ZNF490: variants seen among roughly 807,000 people sequenced by gnomAD.
The protein encoded by ZNF490 is zinc finger protein 490.
Under a neutral mutation model 17.7 loss-of-function variants are expected in ZNF490, and 11 were observed. That is an observed-to-expected ratio of 0.62 (90% CI 0.39 to 1.03). ZNF490 has a LOEUF of 1.03. Among genes scored for constraint, ZNF490 ranks in the 50% least tolerant of loss-of-function variants. The probability of loss-of-function intolerance (pLI) is 0.00; values close to 1 mark genes in which losing one functional copy is unlikely to be tolerated. For synonymous variants in ZNF490, 222 were observed against 216.1 expected (o/e 1.03, Z -0.24); for missense variants, 542 against 643.4 (o/e 0.84, Z 1.71).
rs1044509686 is a variant in ZNF490, at chr19:12,601,312, C to T, written c.162+7846G>A. 1.1e-4 allele frequency among the ~76,000 whole-genome samples: 17 copies of T among 151,378 alleles called. 1 individual carries two copies. The highest frequency in any genetic ancestry group is 5.9e-4 in the Admixed American group (9 of 15,170). ...CTGAGGCAGGAGAATGGTGTGAACC[C>T]GGGAGGCGAAGGTTGCAATGAGCCG... On this transcript the variant is annotated intron_variant, in intron 2 of 4. Coordinates refer to ENST00000311437, the MANE Select transcript of ZNF490 (RefSeq NM_020714.3).
At chr19:12,590,801 G>A (rs971351423) in intron 2 of ZNF490, among the ~76,000 whole-genome samples, 6 of 152,076 alleles carry the variant, frequency 3.9e-5, no homozygotes, top group Non-Finnish European at 7.4e-5. Flanking sequence ...AAGGCAGCTG[G>A]GTGTGGTGGC....
chr19:12,599,139 C>CAAAAAAAAAAAAAAAAAAAAAAAAAAA (rs55911311), intron 2 of ZNF490, among the ~76,000 whole-genome samples: 7 of 68,632 alleles, frequency 1.0e-4, no homozygotes, highest in Admixed American at 4.2e-4. Context: ...GACTCTGTCT[C>CAAAAAAAAAAAAAAAAAAAAAAAAAAA]AAAAAAAAAA....
At position 12,581,373 on chromosome 19, in the gene ZNF490, G is replaced by C. The variant is rs1286691102; in HGVS notation, c.702C>G (p.Leu234=). 6.2e-7 allele frequency: 1 copy of C among 1,614,116 alleles called. No homozygotes were observed. The highest frequency in any genetic ancestry group is 2.2e-5 in the East Asian group (1 of 44,882). ...CKECGKAFAF[L]FSFRNHIRIH... Reference sequence around the variant, plus strand: ...TTCTTATATGGTTTCGAAAGGAAAAGAGAAATGCGAAGGCTTTGCCACATT... The same window carrying C: ...TTCTTATATGGTTTCGAAAGGAAAACAGAAATGCGAAGGCTTTGCCACATT... Residue 234 remains leucine, a synonymous_variant, in exon 5 of 5, where the codon CTC becomes CTG. Transcript: ENST00000311437.
chr19:12,601,763 C>G (rs1372270066), intron 2 of ZNF490, among the ~76,000 whole-genome samples: 1 of 151,968 alleles, frequency 6.6e-6, no homozygotes, highest in Admixed American at 6.6e-5. Context: ...GAGGCCAAGG[C>G]GGGCGGATCA....
chr19:12,583,756 G>GCTCTCTCTCT (rs1195574032), intron 2 of ZNF490, among the ~76,000 whole-genome samples, 200 bp from the exon 3 acceptor site: 33 of 29,712 alleles, frequency 1.1e-3, no homozygotes, highest in South Asian at 6.3e-3. Flanking sequence ...AAATTATTGC[G>GCTCTCTCTCT]CTCTCTCTCT....
In ZNF490 at chr19:12,577,829, G is replaced by T; in HGVS notation, c.*2656C>A. 1.0e-6 allele frequency: 1 copy of T among 985,526 alleles called. No individual in the cohort carries two copies. The highest frequency in any genetic ancestry group is 1.2e-6 in the Non-Finnish European group (1 of 830,032). The allele number at this position is 985,526 out of a possible 1,614,324, so 61.0% of individuals were successfully genotyped here. On this transcript the variant is annotated 3_prime_UTR_variant, in exon 5 of 5. Transcript: ENST00000311437. ...TGTTACGAGGGTGGATGGTGACCTG[G>T]TTTCCCTCAATGCTGCCACCTCCCT...
Position 12,580,607 on chromosome 19 carries a change from T to G in ZNF490, c.1468A>C (p.Lys490Gln). 6.2e-7 allele frequency: 1 copy of G among 1,614,132 alleles called. No homozygotes were observed. Among genetic ancestry groups the G allele is most frequent in the Non-Finnish European group, 8.5e-7 (1 of 1,180,018 alleles). The change falls in exon 5 of 5, where the codon AAA becomes CAA. Residue 490 changes from lysine (K) to glutamine (Q), a missense_variant. By Grantham distance (53) the Lys-to-Gln change is moderately conservative. Transcript: ENST00000311437. ...GKAFTCLNSL[K>Q]VHKRIHTGER... ...CCAGTATGAATTCTTTTGTGTACTT[T>G]CAGGGAATTTAAACAAGTGAAAGCT...
intron 2 of ZNF490, among the ~76,000 whole-genome samples, chr19:12,592,237 G>A (rs1485135869): frequency 1.3e-5 from 2 of 152,070 alleles, no homozygotes; most frequent in African/African-American, 4.8e-5. Context: ...TCGGGAGGCT[G>A]AGGCAGGAGA....
intron 1 of ZNF490, chr19:12,610,012 C>T (rs1262449019): frequency 4.6e-6 from 2 of 435,710 alleles, no homozygotes; most frequent in East Asian, 1.4e-4. Flanking sequence ...GCAATAAAAA[C>T]ATGCTTAAAC....
rs557466297 is a variant in ZNF490, at chr19:12,609,396, T to A, written c.118-194A>T. Among the ~76,000 whole-genome samples the A allele has an allele frequency of 1.2e-3, 174 of 150,980 alleles. 1 individual carries two copies. Among genetic ancestry groups the A allele is most frequent in the Admixed American group, 2.7e-3 (41 of 15,120 alleles). ...GGAAAAATGAAATATGTTTCTACTT[T>A]AAAAAAAAAATTTAGAGACAGTCTC... On this transcript the variant is annotated intron_variant, in intron 1 of 4. Coordinates refer to ENST00000311437, the MANE Select transcript of ZNF490 (RefSeq NM_020714.3).
At chr19:12,593,794 C>A (rs750850965) in intron 2 of ZNF490, among the ~76,000 whole-genome samples, 7 of 152,166 alleles carry the variant, frequency 4.6e-5, no homozygotes, top group Non-Finnish European at 7.3e-5. Flanking sequence ...GCTGTTCACT[C>A]AGTAGCAAAG....
intron 2 of ZNF490, 29 bp downstream of exon 2, chr19:12,609,129 C>T: frequency 6.2e-7 from 1 of 1,612,384 alleles, no homozygotes; most frequent in Non-Finnish European, 8.5e-7. Context: ...AGGAAGGTAG[C>T]CACGCTGACA....
Position 12,581,103 on chromosome 19 carries a change from A to C in ZNF490, c.972T>G (p.His324Gln), listed in dbSNP as rs2022726497. 1 of 1,614,002 alleles carries C rather than the reference A, an allele frequency of 6.2e-7. No individual in the cohort carries two copies. Among genetic ancestry groups the C allele is most frequent in the African/African-American group, 1.3e-5 (1 of 74,918 alleles). The part of the protein sequence containing the change: ...AFSCPTYLRS[H>Q]EKTHTGEKPF... Reference sequence around the variant, plus strand: ...GTTTCTCTCCAGTATGAGTTTTCTCATGACTCCGTAAGTACGTGGGACAAC... The same window carrying C: ...GTTTCTCTCCAGTATGAGTTTTCTCCTGACTCCGTAAGTACGTGGGACAAC... Residue 324 changes from histidine to glutamine, a missense_variant, in exon 5 of 5, where the codon CAT (histidine) becomes CAG (glutamine). By Grantham distance (24) the His-to-Gln change is conservative. Coordinates refer to ENST00000311437, the MANE Select transcript of ZNF490 (RefSeq NM_020714.3).
rs1050210047 is a variant in ZNF490, at chr19:12,580,163, T to G, written c.*322A>C. The G allele has an allele frequency of 5.6e-6, 6 of 1,063,282 alleles. No individual in the cohort carries two copies. Among genetic ancestry groups the G allele is most frequent in the Non-Finnish European group, 6.8e-6 (6 of 880,500 alleles). 65.9% of individuals were successfully genotyped at this position (1,063,282 alleles called of 1,614,324 possible). On this transcript the variant is annotated 3_prime_UTR_variant, in exon 5 of 5. Transcript: ENST00000311437. ...CAAAAGATGGGATGGATATAGAATT[T>G]TCTTTATAGTTTCTCTCCAGTATAT...
At chr19:12,596,238 C>G (rs951062706) in intron 2 of ZNF490, among the ~76,000 whole-genome samples, 1 of 124,300 alleles carries the variant, frequency 8.0e-6, no homozygotes, top group Non-Finnish European at 1.6e-5. Flanking sequence ...GCACTCCAGT[C>G]TGGGCGACAG....
At chr19:12,609,106 G>A in intron 2 of ZNF490, 52 bp downstream of exon 2, 1 of 1,587,890 alleles carries the variant, frequency 6.3e-7, no homozygotes, top group Non-Finnish European at 8.6e-7. Context: ...GACCCAAATG[G>A]TCATTATAAA....
rs1010167416 is a variant in ZNF490 at position 12,578,373 on chromosome 19, C to T, written c.*2112G>A. On this transcript the variant is annotated 3_prime_UTR_variant, in exon 5 of 5. Transcript: ENST00000311437. Reference sequence around the variant, plus strand: ...TGGTGGTTGGTGCAGGGCTGGTAACCGCAGGAGAGTGGATGCTGTGTGGTC... The same window carrying T: ...TGGTGGTTGGTGCAGGGCTGGTAACTGCAGGAGAGTGGATGCTGTGTGGTC... 6.1e-6 allele frequency: 6 copies of T among 985,526 alleles called. No homozygotes were observed. Among genetic ancestry groups the T allele is most frequent in the Non-Finnish European group, 6.0e-6 (5 of 830,046 alleles). The allele number at this position is 985,526 out of a possible 1,614,324, so 61.0% of individuals were successfully genotyped here.
Position 12,602,074 on chromosome 19 carries a change from C to CTATATATATA in ZNF490, c.162+7083_162+7084insTATATATATA, listed in dbSNP as rs145824680. On this transcript the variant is annotated intron_variant, in intron 2 of 4. Coordinates refer to ENST00000311437, the MANE Select transcript of ZNF490 (RefSeq NM_020714.3). ...GGCACCGTTTTTGAAACTCAGTTCA[C>CTATATATATA]TATATACACACACACACACACACAC... Among the ~76,000 whole-genome samples the CTATATATATA allele has an allele frequency of 2.3e-3, 303 of 131,520 alleles. 1 individual carries two copies. The highest frequency in any genetic ancestry group is 8.7e-3 in the African/African-American group (292 of 33,392). 86.3% of individuals were successfully genotyped at this position (131,520 alleles called of 152,430 possible). A position where few individuals can be genotyped will look rare whatever the true frequency, so the allele number is the denominator to read the frequency against.
intron 2 of ZNF490, among the ~76,000 whole-genome samples, chr19:12,607,225 C>CTG (rs1168571385): frequency 6.7e-6 from 1 of 150,358 alleles, no homozygotes; most frequent in African/African-American, 2.4e-5. Context: ...GAGTCTCACT[C>CTG]TGTCACCCAG....
Sources: gnomAD v4.1 joint callset for allele counts (sites outside exome capture counted in the v4.1 genomes callset) on GRCh38, gnomAD v4.1.1 for gene constraint, MANE v1.5 for transcripts, NCBI Gene and HGNC (gene_info 2026-07-23, HGNC 2026-07-21) for gene names.